The following SLC39A11 variants were observed in gnomAD, a reference collection of about 807,000 sequenced individuals.
SLC39A11 encodes solute carrier family 39 member 11.
In SLC39A11, 33 loss-of-function variants were observed where a neutral mutation model predicts 36.1. That is an observed-to-expected ratio of 0.91 (90% CI 0.69 to 1.22). The LOEUF (loss-of-function observed/expected upper bound fraction) is 1.22, where lower values mean the gene tolerates loss of function less well. Among genes scored for constraint, SLC39A11 ranks in the 50% most tolerant of loss-of-function variants. The probability of loss-of-function intolerance (pLI) is 0.00; values close to 1 mark genes in which losing one functional copy is unlikely to be tolerated. For missense variants in SLC39A11, 432 were observed against 430.3 expected, an observed-to-expected ratio of 1.00 and a Z score of -0.03; for synonymous variants, 166 against 170.3, an observed-to-expected ratio of 0.97 and a Z score of 0.20.
At chr17:72,919,807 CT>C (rs1460245840) in intron 5 of SLC39A11, among the ~76,000 whole-genome samples, 1 of 152,108 alleles carries the variant, frequency 6.6e-6, no homozygotes, top group Non-Finnish European at 1.5e-5. Context: ...ACAGCTGCAT[CT>C]CTGATGCTCT....
chr17:72,708,630 T>C (rs141211151), intron 7 of SLC39A11, among the ~76,000 whole-genome samples: 5 of 152,230 alleles, frequency 3.3e-5, no homozygotes, highest in Non-Finnish European at 5.9e-5. Context: ...GGAAGACCCA[T>C]GGCCACAGCA....
rs1247733128 is a variant in SLC39A11 at position 72,922,982 on chromosome 17, A to C, written c.430+24770T>G. Among the ~76,000 whole-genome samples the C allele has an allele frequency of 1.3e-4, 19 of 149,230 alleles. No homozygotes were observed. In the East Asian group the frequency reaches 3.3e-3, roughly 26 times the overall value. On this transcript the variant is annotated intron_variant, in intron 5 of 9. Transcript: ENST00000255559. Reference sequence around the variant, plus strand: ...TCTCAAAAAAAAAAAAAAAAAAAAAAAAAAAAAACACACAGAAAATACGAA... The same window carrying C: ...TCTCAAAAAAAAAAAAAAAAAAAAACAAAAAAAACACACAGAAAATACGAA...
At chr17:72,977,808 C>T (rs1247796161) in intron 4 of SLC39A11, among the ~76,000 whole-genome samples, 1 of 152,174 alleles carries the variant, frequency 6.6e-6, no homozygotes, top group Admixed American at 6.5e-5. Context: ...TGAATGAATG[C>T]TTCCTATTCA....
chr17:72,872,753 C>T (rs1024284471), intron 5 of SLC39A11, among the ~76,000 whole-genome samples: 1 of 152,108 alleles, frequency 6.6e-6, no homozygotes, highest in African/African-American at 2.4e-5. Context: ...CAATTGGCCA[C>T]CAGGTTAGAA....
intron 7 of SLC39A11, among the ~76,000 whole-genome samples, chr17:72,710,064 C>T (rs1331131834): frequency 6.6e-6 from 1 of 152,206 alleles, no homozygotes; most frequent in Non-Finnish European, 1.5e-5. Flanking sequence ...GTTCTGCCAA[C>T]CACACCTATT....
chr17:73,076,749 C>T (rs1170526870), intron 3 of SLC39A11, among the ~76,000 whole-genome samples: 1 of 151,890 alleles, frequency 6.6e-6, no homozygotes, highest in Non-Finnish European at 1.5e-5. Flanking sequence ...TCAGGATTGA[C>T]AGTAGTGACC....
Position 73,004,178 on chromosome 17 carries a change from A to G in SLC39A11, c.306+27378T>C, listed in dbSNP as rs1568105230. Among the ~76,000 whole-genome samples, 71 of 78,584 alleles carry G rather than the reference A, an allele frequency of 9.0e-4. 1 individual carries two copies. The highest frequency in any genetic ancestry group is 2.6e-3 in the Admixed American group (19 of 7,406). The allele number at this position is 78,584 out of a possible 152,430, so 51.6% of individuals were successfully genotyped here. ...AAGAAGGAAAAAAAGAAAGAAAGAAAGAAAGAAAGAAAGAAAGAAAGAAAG... is the reference window on the plus strand; with the variant it reads ...AAGAAGGAAAAAAAGAAAGAAAGAAGGAAAGAAAGAAAGAAAGAAAGAAAG... On this transcript the variant is annotated intron_variant, in intron 4 of 9. Transcript: ENST00000255559.
chr17:72,944,671 GTCCACAGAGATGT>G (rs2085324067), intron 5 of SLC39A11, among the ~76,000 whole-genome samples: 1 of 152,096 alleles, frequency 6.6e-6, no homozygotes, highest in Non-Finnish European at 1.5e-5. Context: ...CAATATAACT[GTCCACAGAGATGT>G]AGATACTAAA....
chr17:72,843,281 G>T (rs1025598239), intron 6 of SLC39A11, among the ~76,000 whole-genome samples: 16 of 152,092 alleles, frequency 1.1e-4, no homozygotes, highest in Non-Finnish European at 2.2e-4. Flanking sequence ...CTAGGGTTGT[G>T]GATAGACTCC....
chr17:72,862,026 C>A (rs141006788), intron 5 of SLC39A11, among the ~76,000 whole-genome samples: 102 of 151,754 alleles, frequency 6.7e-4, no homozygotes, highest in African/African-American at 2.2e-3. Context: ...AAACAAAAAC[C>A]AAAACCATGA....
chr17:72,769,166 G>C (rs551281942), intron 6 of SLC39A11, among the ~76,000 whole-genome samples: 2 of 152,116 alleles, frequency 1.3e-5, no homozygotes, highest in African/African-American at 2.4e-5. Flanking sequence ...TTAGCCAGTG[G>C]CTCTGTCTGA....
intron 4 of SLC39A11, among the ~76,000 whole-genome samples, chr17:72,988,524 C>T (rs60445586): frequency 0.33 from 50,122 of 151,970 alleles, 9,277 homozygotes; most frequent in East Asian, 0.75. Flanking sequence ...AGTCACCCTA[C>T]TGTGCTATCA....
chr17:72,717,834 A>T (rs897121504), intron 7 of SLC39A11, among the ~76,000 whole-genome samples: 2 of 152,118 alleles, frequency 1.3e-5, no homozygotes, highest in Non-Finnish European at 2.9e-5. Context: ...CCTCGGAGTG[A>T]CCCTGCACAT....
chr17:72,988,318 G>A (rs1361768058), intron 4 of SLC39A11, among the ~76,000 whole-genome samples: 6 of 152,128 alleles, frequency 3.9e-5, no homozygotes, highest in South Asian at 2.1e-4. Flanking sequence ...CAAATTGGCC[G>A]GGTGCGGTGG....
chr17:72,871,266 T>C (rs1388185340), intron 5 of SLC39A11, among the ~76,000 whole-genome samples: 1 of 152,064 alleles, frequency 6.6e-6, no homozygotes, highest in Non-Finnish European at 1.5e-5. Flanking sequence ...TTTTACTATA[T>C]GCCCAGGCTT....
At chr17:72,860,820 A>C (rs1212097260) in intron 5 of SLC39A11, among the ~76,000 whole-genome samples, 1 of 152,106 alleles carries the variant, frequency 6.6e-6, no homozygotes, top group Non-Finnish European at 1.5e-5. Context: ...CTGCCCATAC[A>C]TGTTCATGCA....
intron 4 of SLC39A11, among the ~76,000 whole-genome samples, chr17:72,950,586 AC>A (rs1221441574): frequency 6.6e-6 from 1 of 152,204 alleles, no homozygotes; most frequent in Non-Finnish European, 1.5e-5. Flanking sequence ...GATATGTTTC[AC>A]TATGAAAGTA....
At chr17:73,058,763 G>A (rs1460705501) in intron 3 of SLC39A11, among the ~76,000 whole-genome samples, 1 of 152,218 alleles carries the variant, frequency 6.6e-6, no homozygotes, top group Non-Finnish European at 1.5e-5. Flanking sequence ...GACTGACGCA[G>A]TTGAGTTCCT....
intron 7 of SLC39A11, among the ~76,000 whole-genome samples, chr17:72,657,279 G>A (rs1370307756): frequency 6.6e-6 from 1 of 152,312 alleles, no homozygotes; most frequent in African/African-American, 2.4e-5. Flanking sequence ...AGAATCGCTT[G>A]AACCCGGGAG....
Sources: allele counts gnomAD v4.1 joint callset (sites outside exome capture counted in the v4.1 genomes callset), GRCh38; gene constraint gnomAD v4.1.1; transcripts MANE v1.5; gene names NCBI Gene and HGNC (gene_info 2026-07-23, HGNC 2026-07-21).